RGS5: variants seen among roughly 807,000 people sequenced by gnomAD.
The protein encoded by RGS5 is regulator of G protein signaling 5, also known as regulator of G-protein signalling 5.
RGS5 carries 20 observed loss-of-function variants against 18.9 expected under a neutral mutation model. The observed-to-expected ratio is 1.06, with a 90% CI of 0.74 to 1.54. The LOEUF (loss-of-function observed/expected upper bound fraction) is 1.54. Ranked by LOEUF, RGS5 falls within the 40% of genes most tolerant of loss-of-function variation. The probability of loss-of-function intolerance (pLI) is 0.00; values close to 1 mark genes in which losing one functional copy is unlikely to be tolerated. For synonymous variants in RGS5, 57 were observed against 76.2 expected (o/e 0.75, Z 1.31); for missense variants, 201 against 211.8 (o/e 0.95, Z 0.32).
At chr1:163,149,098 G>T (rs1657270414) in intron 4 of RGS5, among the ~76,000 whole-genome samples, 3 of 152,244 alleles carry the variant, frequency 2.0e-5, no homozygotes, top group Non-Finnish European at 4.4e-5. Context: ...GCTACATTAA[G>T]ATTTTCCAGA....
intron 2 of RGS5, among the ~76,000 whole-genome samples, chr1:163,252,617 ACTAAGGATCAGAAACTTCT>A (rs1423362422): frequency 2.6e-5 from 4 of 152,156 alleles, no homozygotes; most frequent in African/African-American, 9.7e-5. Context: ...TCTACTTTCT[ACTAAGGATCAGAAACTTCT>A]CTAAGAACAA....
chr1:163,217,855 A>T (rs1660251511), upstream of RGS5, among the ~76,000 whole-genome samples: 6 of 152,188 alleles, frequency 3.9e-5, no homozygotes. Flanking sequence ...GTAAACTAAC[A>T]GAGAGAAAAT....
intron 1 of RGS5, among the ~76,000 whole-genome samples, chr1:163,178,993 A>C (rs1266901524): frequency 6.6e-6 from 1 of 152,188 alleles, no homozygotes; most frequent in African/African-American, 2.4e-5. Flanking sequence ...AATCTTCCCC[A>C]CATTTGAGAG....
intron 1 of RGS5, chr1:163,318,804 C>A (rs2101655716): frequency 6.6e-6 from 1 of 152,174 alleles, no homozygotes; most frequent in African/African-American, 2.4e-5. Flanking sequence ...AAACAGTGGT[C>A]ATACATTGGT....
intron 2 of RGS5, chr1:163,162,802 G>C (rs1657862148): frequency 6.6e-6 from 1 of 152,026 alleles, no homozygotes. Flanking sequence ...GTGTCAAGTG[G>C]AGCTGATATT....
At chr1:163,177,491 G>T (rs1658606847) in intron 1 of RGS5, among the ~76,000 whole-genome samples, 1 of 152,160 alleles carries the variant, frequency 6.6e-6, no homozygotes, top group Non-Finnish European at 1.5e-5. Context: ...GCATAGGGTG[G>T]TCTTGCTTTC....
At chr1:163,234,752 T>G (rs999751440) in intron 2 of RGS5, among the ~76,000 whole-genome samples, 5 of 152,224 alleles carry the variant, frequency 3.3e-5, no homozygotes, top group African/African-American at 1.2e-4. Flanking sequence ...ATCTATTATC[T>G]TTTCTCACTT....
At chr1:163,289,114 T>C (rs1649215776) in intron 2 of RGS5, among the ~76,000 whole-genome samples, 1 of 152,128 alleles carries the variant, frequency 6.6e-6, no homozygotes, top group African/African-American at 2.4e-5. Flanking sequence ...TTTGAAATCC[T>C]TTGAATGTCA....
At chr1:163,283,577 G>C (rs946220681) in intron 2 of RGS5, among the ~76,000 whole-genome samples, 2 of 152,056 alleles carry the variant, frequency 1.3e-5, no homozygotes, top group Admixed American at 1.3e-4. Context: ...AGTGTATGTA[G>C]AATCCAGTGA....
intron 1 of RGS5, among the ~76,000 whole-genome samples, chr1:163,178,324 A>T (rs770842411): frequency 1.3e-4 from 20 of 152,086 alleles, no homozygotes; most frequent in Non-Finnish European, 1.9e-4. Context: ...AAGAATTTTT[A>T]AAAAATTAAA....
At chr1:163,276,737 C>A (rs1489366300) in intron 2 of RGS5, among the ~76,000 whole-genome samples, 1 of 152,208 alleles carries the variant, frequency 6.6e-6, no homozygotes, top group Non-Finnish European at 1.5e-5. Flanking sequence ...CTGAGGCCAG[C>A]AGCTATGCCA....
chr1:163,317,559 G>T (rs1247890946), intron 1 of RGS5, among the ~76,000 whole-genome samples: 2 of 152,130 alleles, frequency 1.3e-5, no homozygotes. Flanking sequence ...GCTGCCCTTT[G>T]AGTTCTTTTT....
chr1:163,225,343 A>G (rs1489632721), intron 2 of RGS5, among the ~76,000 whole-genome samples: 26 of 152,184 alleles, frequency 1.7e-4, no homozygotes, highest in Non-Finnish European at 1.5e-5. Context: ...ACCCATCCTC[A>G]TGAATCCGTT....
intron 2 of RGS5, among the ~76,000 whole-genome samples, chr1:163,236,214 C>A (rs1647618529): frequency 6.6e-6 from 1 of 151,964 alleles, no homozygotes; most frequent in Non-Finnish European, 1.5e-5. Flanking sequence ...AAAAGTACAA[C>A]AAAATTTCCC....
Position 163,208,909 on chromosome 1 carries a change from A to ACACACATAC in RGS5, c.69+8608_69+8616dup, listed in dbSNP as rs1557906186. Among the ~76,000 whole-genome samples, 5 of 152,266 alleles carry ACACACATAC rather than the reference A, an allele frequency of 3.3e-5. No homozygotes were observed. In the East Asian group the frequency reaches 9.6e-4, roughly 29 times the overall value. On this transcript the variant is annotated intron_variant, in intron 1 of 5. Coordinates refer to the RGS5 transcript ENST00000367903. Reference sequence around the variant, plus strand: ...AAAAATAAGTATTATGGTCAAACACACACACATACACACACACTCACACGT... The same window carrying ACACACATAC: ...AAAAATAAGTATTATGGTCAAACACACACACATACCACACATACACACACACTCACACGT...
At chr1:163,192,054 G>A (rs1659382295) in intron 1 of RGS5, among the ~76,000 whole-genome samples, 1 of 152,116 alleles carries the variant, frequency 6.6e-6, no homozygotes. Flanking sequence ...CTTGCTCTAT[G>A]TACTTCCTCA....
intron 2 of RGS5, among the ~76,000 whole-genome samples, chr1:163,303,085 A>G (rs1649593038): frequency 6.6e-6 from 1 of 152,228 alleles, no homozygotes; most frequent in Non-Finnish European, 1.5e-5. Context: ...TTGAAAGAAC[A>G]CATAGTTAAA....
chr1:163,272,296 T>C (rs1408106009), intron 2 of RGS5, among the ~76,000 whole-genome samples: 1 of 152,194 alleles, frequency 6.6e-6, no homozygotes, highest in Non-Finnish European at 1.5e-5. Flanking sequence ...AAGATATGTA[T>C]GCTGGATACA....
At chr1:163,316,315 T>C (rs1571360683) in intron 1 of RGS5, among the ~76,000 whole-genome samples, 1 of 152,230 alleles carries the variant, frequency 6.6e-6, no homozygotes, top group East Asian at 1.9e-4. Flanking sequence ...TTGTTTGCTT[T>C]TGCAGATTTT....
Sources: allele counts gnomAD v4.1 joint callset (sites outside exome capture counted in the v4.1 genomes callset), GRCh38; gene constraint gnomAD v4.1.1; transcripts MANE v1.5; gene names NCBI Gene and HGNC (gene_info 2026-07-23, HGNC 2026-07-21).